SYT16: variants seen among roughly 807,000 people sequenced by gnomAD.
The protein encoded by SYT16 is synaptotagmin-16.
SYT16 carries 42 observed loss-of-function variants against 61.4 expected under a neutral mutation model. The ratio of observed to expected loss-of-function variants is 0.68; its 90% CI spans 0.53 to 0.89. The LOEUF (loss-of-function observed/expected upper bound fraction) is 0.89, where lower values mean the gene tolerates loss of function less well. SYT16 is among the 40% of genes least tolerant of loss of function. The pLI, the probability that SYT16 is intolerant of heterozygous loss-of-function variation, is 0.00. For synonymous variants in SYT16, 314 were observed against 302.3 expected, an observed-to-expected ratio of 1.04 and a Z score of -0.40; for missense variants, 804 against 807.3, an observed-to-expected ratio of 1.00 and a Z score of 0.05.
intron 1 of SYT16, among the ~76,000 whole-genome samples, chr14:61,963,666 A>G (rs1274855658): frequency 3.3e-5 from 5 of 152,170 alleles, no homozygotes; most frequent in Non-Finnish European, 7.4e-5. Flanking sequence ...AGTTATACAG[A>G]TGGTCTACCT....
chr14:61,928,675 C>G (rs1288865243), intron 1 of SYT16, among the ~76,000 whole-genome samples: 2 of 152,112 alleles, frequency 1.3e-5, no homozygotes, highest in South Asian at 4.1e-4. Context: ...TGCTTCTTTG[C>G]TATTAGAGGG....
intron 1 of SYT16, among the ~76,000 whole-genome samples, chr14:61,884,905 C>G (rs2047841694): frequency 6.6e-6 from 1 of 152,136 alleles, no homozygotes; most frequent in African/African-American, 2.4e-5. Flanking sequence ...GAAGATTTCT[C>G]TCTTTTGGGA....
chr14:62,015,761 A>C (rs1394705034), intron 3 of SYT16, among the ~76,000 whole-genome samples: 1 of 152,166 alleles, frequency 6.6e-6, no homozygotes, highest in Non-Finnish European at 1.5e-5. Flanking sequence ...TGGGACACTG[A>C]ATCTGCTGAC....
At chr14:61,910,250 T>C (rs1193753201) in intron 1 of SYT16, among the ~76,000 whole-genome samples, 1 of 132,370 alleles carries the variant, frequency 7.6e-6, no homozygotes, top group Admixed American at 7.7e-5. Flanking sequence ...TTTTGTTTTG[T>C]TTTTTGAGAC....
At chr14:61,947,293 T>TGTGTGTGG (rs2050481693) in intron 1 of SYT16, among the ~76,000 whole-genome samples, 1 of 151,436 alleles carries the variant, frequency 6.6e-6, no homozygotes, top group Admixed American at 6.6e-5. Context: ...TGTGTGTGTG[T>TGTGTGTGG]GTGTGTGTGT....
chr14:61,849,273 G>A (rs531167952), intron 1 of SYT16, among the ~76,000 whole-genome samples: 2 of 152,294 alleles, frequency 1.3e-5, no homozygotes, highest in South Asian at 2.1e-4. Context: ...TGCACTGCCT[G>A]GAGTTGGGGG....
intron 1 of SYT16, among the ~76,000 whole-genome samples, chr14:61,930,512 G>T (rs1056000202): frequency 6.6e-6 from 1 of 151,584 alleles, no homozygotes; most frequent in Non-Finnish European, 1.5e-5. Flanking sequence ...CTTCCCTTTG[G>T]CCATTGCCAT....
intron 1 of SYT16, among the ~76,000 whole-genome samples, chr14:61,817,638 C>G (rs1395700584): frequency 6.6e-6 from 1 of 151,924 alleles, no homozygotes; most frequent in Non-Finnish European, 1.5e-5. Flanking sequence ...ACTAAAGAGA[C>G]CACTAAATGC....
intron 1 of SYT16, among the ~76,000 whole-genome samples, chr14:61,939,566 T>C (rs1451103049): frequency 6.6e-6 from 1 of 152,196 alleles, no homozygotes; most frequent in Non-Finnish European, 1.5e-5. Flanking sequence ...GATCTTTCCT[T>C]CACGTGTGTA....
At chr14:62,049,638 T>C (rs2055176014) in intron 3 of SYT16, among the ~76,000 whole-genome samples, 2 of 152,328 alleles carry the variant, frequency 1.3e-5, no homozygotes, top group East Asian at 3.9e-4. Context: ...CCATGTTTAG[T>C]GCTTCCTTCA....
At chr14:62,050,574 T>TGCTCCGTTTTTCC (rs1425618691) in intron 3 of SYT16, among the ~76,000 whole-genome samples, 1 of 152,228 alleles carries the variant, frequency 6.6e-6, no homozygotes, top group Non-Finnish European at 1.5e-5. Context: ...GCAGTTTTTC[T>TGCTCCGTTTTTCC]GCTCCGTTTT....
intron 1 of SYT16, among the ~76,000 whole-genome samples, chr14:61,892,378 G>T (rs1166739547): frequency 6.6e-6 from 1 of 151,588 alleles, no homozygotes; most frequent in Non-Finnish European, 1.5e-5. Flanking sequence ...CTTTGCCCTC[G>T]CTTTGTCCCC....
intron 7 of SYT16, among the ~76,000 whole-genome samples, chr14:62,088,762 A>C (rs1212423455): frequency 2.0e-5 from 3 of 152,196 alleles, no homozygotes; most frequent in Non-Finnish European, 4.4e-5. Flanking sequence ...AAAATAAAAC[A>C]ATCGAAAACT....
intron 7 of SYT16, 60 bp downstream of exon 7, chr14:62,084,445 C>T: frequency 1.3e-6 from 2 of 1,517,914 alleles, no homozygotes; most frequent in South Asian, 2.5e-5. Context: ...AAAGCCCTGT[C>T]TGCTTTCATC....
At chr14:61,851,505 GA>G (rs1255428295) in intron 1 of SYT16, among the ~76,000 whole-genome samples, 2 of 152,164 alleles carry the variant, frequency 1.3e-5, no homozygotes, top group Non-Finnish European at 2.9e-5. Context: ...CACAATGGTT[GA>G]ACTAACTTAC....
chr14:61,826,937 G>A (rs1161677010), intron 1 of SYT16, among the ~76,000 whole-genome samples: 2 of 151,880 alleles, frequency 1.3e-5, no homozygotes, highest in African/African-American at 2.4e-5. Flanking sequence ...CCAGGGTGGA[G>A]GAGAGAAAGC....
In SYT16 at chr14:62,096,787, G is replaced by T. The variant is rs536218328; in HGVS notation, c.1625-3607G>T. Among the ~76,000 whole-genome samples, 67 of 152,210 alleles carry T rather than the reference G, an allele frequency of 4.4e-4. No individual in the cohort carries two copies. The South Asian group carries it at 8.5e-3, about 19-fold the overall frequency. On this transcript the variant is annotated intron_variant, in intron 7 of 7. Transcript: ENST00000683842. ...AGGATCCCAAAGAGGGAGACTAAAG[G>T]ATCTTCAGTTGCAATGTTTTATTTC...
intron 1 of SYT16, among the ~76,000 whole-genome samples, chr14:61,833,790 T>A (rs2046027322): frequency 6.7e-6 from 1 of 148,880 alleles, no homozygotes; most frequent in Non-Finnish European, 1.5e-5. Flanking sequence ...TTCTTTGCGC[T>A]AGCGAGCAGG....
chr14:62,054,359 A>AGTT (rs1566802569), intron 3 of SYT16, among the ~76,000 whole-genome samples: 3 of 107,104 alleles, frequency 2.8e-5, no homozygotes, highest in Admixed American at 2.7e-4. Context: ...TAGTGAAGTG[A>AGTT]GTTTTTTTTT....
Sources: gnomAD v4.1 joint callset for allele counts (sites outside exome capture counted in the v4.1 genomes callset) on GRCh38, gnomAD v4.1.1 for gene constraint, MANE v1.5 for transcripts, NCBI Gene and HGNC (gene_info 2026-07-23, HGNC 2026-07-21) for gene names.